MAP7: variants seen among roughly 807,000 people sequenced by gnomAD.
The protein encoded by MAP7 is microtubule associated protein 7.
Under a neutral mutation model 94.8 loss-of-function variants are expected in MAP7, and 52 were observed. The ratio of observed to expected loss-of-function variants is 0.55; its 90% CI spans 0.44 to 0.69. The LOEUF is 0.69. Ranked by LOEUF, MAP7 falls within the 30% of genes least tolerant of loss-of-function variation. The pLI is 0.00. For synonymous variants in MAP7, 350 were observed against 357.0 expected, an observed-to-expected ratio of 0.98 and a Z score of 0.22; for missense variants, 940 against 964.6, an observed-to-expected ratio of 0.97 and a Z score of 0.34.
At chr6:136,497,797 C>CAAAAAAAAAAA (rs1199112585) in intron 1 of MAP7, among the ~76,000 whole-genome samples, 1 of 46,568 alleles carries the variant, frequency 2.1e-5, no homozygotes. Context: ...GACTCTGTCA[C>CAAAAAAAAAAA]AAAAAAAAAA....
At chr6:136,514,645 G>A (rs1178188219) in intron 1 of MAP7, among the ~76,000 whole-genome samples, 2 of 151,458 alleles carry the variant, frequency 1.3e-5, no homozygotes, top group Non-Finnish European at 2.9e-5. Flanking sequence ...TCTCCATCAG[G>A]GTGACCTGGT....
chr6:136,483,575 T>C (rs1474313001), intron 1 of MAP7, among the ~76,000 whole-genome samples: 2 of 152,098 alleles, frequency 1.3e-5, no homozygotes, highest in African/African-American at 2.4e-5. Flanking sequence ...CTATTTATTA[T>C]TGATAGTTAA....
intron 3 of MAP7, 23 bp from the exon 4 acceptor site, chr6:136,389,540 A>T (rs1273574988): frequency 1.2e-6 from 2 of 1,605,274 alleles, no homozygotes; most frequent in Non-Finnish European, 1.7e-6. Context: ...TTAAAAAAAA[A>T]AAAAAAGAGG....
rs1318981136 is a variant in MAP7, at chr6:136,505,285, A to G, written c.67+45057T>C. Among the ~76,000 whole-genome samples the G allele has an allele frequency of 1.4e-3, 172 of 121,774 alleles. 2 individuals carry two copies. Among genetic ancestry groups the G allele is most frequent in the African/African-American group, 5.0e-3 (155 of 30,698 alleles). The allele number at this position is 121,774 out of a possible 152,430, so 79.9% of individuals were successfully genotyped here. ...TGTGTGTGTGTGTGTGTGTATATAT[A>G]TATATATATATATATATATATATAT... is the stretch of plus-strand genomic sequence containing the variant. On this transcript the variant is annotated intron_variant, in intron 1 of 17. Coordinates refer to ENST00000354570, the MANE Select transcript of MAP7 (RefSeq NM_003980.6).
In MAP7 at chr6:136,366,416, T is replaced by A; in HGVS notation, c.900A>T (p.Arg300Ser). 1 of 1,613,480 alleles carries A rather than the reference T, an allele frequency of 6.2e-7. No homozygotes were observed. ...CAGATGTGAGGAAGAGTACATTTTC[T>A]CTCTCTCTTTCTTTTTTATAGCTCT... ...GTASYKKERERENVLFLTSGT... is the reference protein window; with the variant it reads ...GTASYKKERESENVLFLTSGT... Residue 300 changes from arginine to serine, a missense_variant, in exon 9 of 18, where the codon AGA (arginine) becomes AGT (serine). Arg to Ser is a moderately radical substitution (Grantham distance 110). Transcript: ENST00000354570.
intron 1 of MAP7, among the ~76,000 whole-genome samples, chr6:136,454,790 T>C (rs1038190278): frequency 1.3e-5 from 2 of 151,962 alleles, no homozygotes; most frequent in Admixed American, 1.3e-4. Context: ...TCACAGCTAC[T>C]TGGGAGGCTG....
At chr6:136,371,866 C>T (rs1345047492) in intron 8 of MAP7, among the ~76,000 whole-genome samples, 1 of 152,184 alleles carries the variant, frequency 6.6e-6, no homozygotes, top group Admixed American at 6.5e-5. Context: ...TTAACATTAC[C>T]TCAGCCCGTA....
At chr6:136,425,995 G>A (rs1793018543) in intron 1 of MAP7, among the ~76,000 whole-genome samples, 1 of 151,922 alleles carries the variant, frequency 6.6e-6, no homozygotes, top group South Asian at 2.1e-4. Flanking sequence ...TCCTTTTCTT[G>A]TCCTATGTTT....
At chr6:136,395,152 T>C (rs922900458) in intron 3 of MAP7, among the ~76,000 whole-genome samples, 2 of 151,250 alleles carry the variant, frequency 1.3e-5, no homozygotes, top group African/African-American at 4.9e-5. Context: ...CATACTGTCT[T>C]CCATAGCGGC....
intron 1 of MAP7, among the ~76,000 whole-genome samples, chr6:136,549,189 C>T (rs537855764): frequency 1.6e-4 from 24 of 152,268 alleles, no homozygotes; most frequent in African/African-American, 5.5e-4. Flanking sequence ...TTAAAATAAG[C>T]ATACTTGATG....
intron 8 of MAP7, among the ~76,000 whole-genome samples, chr6:136,371,850 T>A (rs75118519): frequency 3.3e-4 from 51 of 152,366 alleles, no homozygotes; most frequent in African/African-American, 1.2e-3. Context: ...TATAGCATGG[T>A]GAAAATTAAC....
intron 15 of MAP7, among the ~76,000 whole-genome samples, chr6:136,359,196 A>C (rs928684152): frequency 6.6e-6 from 1 of 152,216 alleles, no homozygotes; most frequent in South Asian, 2.1e-4. Flanking sequence ...AGCCGATGGC[A>C]TATCAGTAAC....
At chr6:136,421,869 T>C in intron 1 of MAP7, 70 bp from the exon 2 acceptor site, 1 of 1,207,738 alleles carries the variant, frequency 8.3e-7, no homozygotes, top group Non-Finnish European at 1.2e-6. Flanking sequence ...CATTTAAGTA[T>C]TCGACATTTA....
At chr6:136,373,498 C>A (rs141153896) in intron 7 of MAP7, among the ~76,000 whole-genome samples, 1 of 152,244 alleles carries the variant, frequency 6.6e-6, no homozygotes, top group East Asian at 1.9e-4. Flanking sequence ...AGCTTCTGAC[C>A]ATTACCTTCC....
chr6:136,380,209 C>A (rs1232569057), intron 6 of MAP7, among the ~76,000 whole-genome samples: 1 of 152,156 alleles, frequency 6.6e-6, no homozygotes, highest in African/African-American at 2.4e-5. Context: ...GGGGGCCATG[C>A]AAGTTAACAT....
At chr6:136,510,500 G>T (rs1822941457) in intron 1 of MAP7, among the ~76,000 whole-genome samples, 3 of 152,130 alleles carry the variant, frequency 2.0e-5, no homozygotes. Context: ...AACACAGGGG[G>T]TTCAGAAGCC....
chr6:136,525,702 A>C, intron 1 of MAP7: 137 of 944,806 alleles, frequency 1.5e-4, no homozygotes, highest in Middle Eastern at 3.4e-4. Flanking sequence ...ACTACCAGCA[A>C]ACCGTGCTAG....
chr6:136,489,354 G>A (rs949831794), intron 1 of MAP7, among the ~76,000 whole-genome samples: 6 of 151,822 alleles, frequency 4.0e-5, no homozygotes, highest in South Asian at 2.1e-4. Context: ...GCAAATACTC[G>A]ATTAATATCT....
At chr6:136,528,779 C>A (rs957857201) in intron 1 of MAP7, among the ~76,000 whole-genome samples, 5 of 152,238 alleles carry the variant, frequency 3.3e-5, no homozygotes, top group African/African-American at 1.2e-4. Flanking sequence ...CTGACCCCAA[C>A]ATCAACTAGC....
Sources: gnomAD v4.1 joint callset for allele counts (sites outside exome capture counted in the v4.1 genomes callset) on GRCh38, gnomAD v4.1.1 for gene constraint, MANE v1.5 for transcripts, NCBI Gene and HGNC (gene_info 2026-07-23, HGNC 2026-07-21) for gene names.